The following SLC4A4 variants were observed in gnomAD, a reference collection of about 807,000 sequenced individuals.
The protein encoded by SLC4A4 is solute carrier family 4 member 4.
A neutral mutation model predicts 111.5 loss-of-function variants in SLC4A4; 27 were observed. The observed-to-expected ratio is 0.24, with a 90% CI of 0.18 to 0.33. SLC4A4 has a LOEUF of 0.33. SLC4A4 is among the 10% of genes least tolerant of loss of function. The pLI is 1.00. For missense variants in SLC4A4, 909 were observed against 1,315.5 expected, an observed-to-expected ratio of 0.69 and a Z score of 4.78; for synonymous variants, 443 against 463.4, an observed-to-expected ratio of 0.96 and a Z score of 0.57.
chr4:71,536,243 CA>C (rs1337024547), intron 18 of SLC4A4, among the ~76,000 whole-genome samples: 1 of 150,960 alleles, frequency 6.6e-6, no homozygotes, highest in Non-Finnish European at 1.5e-5. Flanking sequence ...AAAATAGTCA[CA>C]GGGGCAGCCT....
intron 23 of SLC4A4, among the ~76,000 whole-genome samples, chr4:71,560,595 A>G (rs1736889923): frequency 6.6e-6 from 1 of 151,762 alleles, no homozygotes; most frequent in Non-Finnish European, 1.5e-5. Context: ...TCTATTAATA[A>G]CCCAGGGCTT....
At chr4:71,519,851 T>C (rs2149190555) in intron 16 of SLC4A4, among the ~76,000 whole-genome samples, 1 of 152,270 alleles carries the variant, frequency 6.6e-6, no homozygotes, top group Non-Finnish European at 1.5e-5. Context: ...GGTTTCACCA[T>C]GTTGGCTAGG....
intron 6 of SLC4A4, among the ~76,000 whole-genome samples, chr4:71,358,098 A>G (rs564059657): frequency 6.6e-6 from 1 of 152,092 alleles, no homozygotes; most frequent in Non-Finnish European, 1.5e-5. Context: ...GTGGATCACG[A>G]GGTCAGGAGA....
At chr4:71,506,530 C>T (rs1272000612) in intron 16 of SLC4A4, among the ~76,000 whole-genome samples, 1 of 152,112 alleles carries the variant, frequency 6.6e-6, no homozygotes, top group East Asian at 1.9e-4. Flanking sequence ...GAGTTTTGCA[C>T]ATTGATTTTT....
intron 7 of SLC4A4, among the ~76,000 whole-genome samples, chr4:71,412,012 G>A (rs1721403402): frequency 6.6e-6 from 1 of 152,180 alleles, no homozygotes; most frequent in Non-Finnish European, 1.5e-5. Context: ...CTAAACAACT[G>A]TATTAGCAAT....
At chr4:71,238,863 A>G (rs929169179) in intron 2 of SLC4A4, among the ~76,000 whole-genome samples, 3 of 152,172 alleles carry the variant, frequency 2.0e-5, no homozygotes, top group Admixed American at 6.5e-5. Flanking sequence ...AGGTGATAGT[A>G]TAAAACGGTT....
intron 3 of SLC4A4, among the ~76,000 whole-genome samples, chr4:71,273,873 G>T (rs1330990628): frequency 6.6e-6 from 1 of 152,062 alleles, no homozygotes; most frequent in Non-Finnish European, 1.5e-5. Context: ...GAAAAATGGT[G>T]GTAATACTGT....
chr4:71,334,779 G>A (rs1378399236), intron 3 of SLC4A4, among the ~76,000 whole-genome samples: 1 of 152,202 alleles, frequency 6.6e-6, no homozygotes, highest in African/African-American at 2.4e-5. Context: ...AGTCACCACT[G>A]AGTTGCTGTC....
At chr4:71,121,143 G>A (rs1441098284) in intron 2 of SLC4A4, among the ~76,000 whole-genome samples, 2 of 152,180 alleles carry the variant, frequency 1.3e-5, no homozygotes, top group Non-Finnish European at 2.9e-5. Context: ...AATTCTTGCA[G>A]GGCCTCAGCT....
chr4:71,138,880 TA>T (rs1315886071), intron 2 of SLC4A4, among the ~76,000 whole-genome samples: 1 of 151,390 alleles, frequency 6.6e-6, no homozygotes, highest in Admixed American at 6.6e-5. Flanking sequence ...ACTGAAAATA[TA>T]AAAAATTAGC....
intron 2 of SLC4A4, among the ~76,000 whole-genome samples, chr4:71,169,710 A>C (rs145343306): frequency 8.1e-4 from 124 of 152,280 alleles, no homozygotes; most frequent in African/African-American, 2.9e-3. Context: ...AATATATTGT[A>C]TCACAGGTCT....
At chr4:71,512,591 C>G (rs959728030) in intron 16 of SLC4A4, among the ~76,000 whole-genome samples, 3 of 152,110 alleles carry the variant, frequency 2.0e-5, no homozygotes, top group Admixed American at 2.0e-4. Flanking sequence ...CATAGGTTGT[C>G]TCTTCATTGT....
chr4:71,245,467 G>T (rs1232433271), intron 2 of SLC4A4, among the ~76,000 whole-genome samples: 2 of 152,110 alleles, frequency 1.3e-5, no homozygotes, highest in African/African-American at 2.4e-5. Context: ...GGAGACAAAT[G>T]TGTTGAATTG....
At chr4:71,236,714 C>A in intron 2 of SLC4A4, 65 bp downstream of exon 2, 1 of 1,272,794 alleles carries the variant, frequency 7.9e-7, no homozygotes, top group Non-Finnish European at 1.1e-6. Flanking sequence ...TAATAACATT[C>A]ATGCATTTCA....
At chr4:71,097,380 A>G (rs1742586654) in intron 2 of SLC4A4, among the ~76,000 whole-genome samples, 1 of 152,224 alleles carries the variant, frequency 6.6e-6, no homozygotes, top group African/African-American at 2.4e-5. Flanking sequence ...GCTGCATAGT[A>G]TTCCATGGTG....
chr4:71,151,321 C>T (rs533394561), intron 2 of SLC4A4, among the ~76,000 whole-genome samples: 8 of 152,210 alleles, frequency 5.3e-5, no homozygotes, highest in South Asian at 4.2e-4. Flanking sequence ...ACTATATCAA[C>T]GGTAGGTTTT....
rs374874915 is a variant in SLC4A4 at position 71,504,367 on chromosome 4, T to C, written c.2166+6675T>C. Among the ~76,000 whole-genome samples the C allele has an allele frequency of 2.2e-4, 34 of 152,228 alleles. No individual in the cohort carries two copies. The East Asian group carries it at 2.9e-3, about 13-fold the overall frequency. ...GGTTAATTCAAAAGATGACTTCAAG[T>C]TCAGGAACTCTTTCATCTTCTTGAT... On this transcript the variant is annotated intron_variant, in intron 16 of 25. Coordinates refer to ENST00000264485, the MANE Select transcript of SLC4A4 (RefSeq NM_001098484.3).
chr4:71,353,838 C>G (rs1730058567), intron 5 of SLC4A4, among the ~76,000 whole-genome samples: 1 of 152,246 alleles, frequency 6.6e-6, no homozygotes, highest in Non-Finnish European at 1.5e-5. Context: ...CCTCACCAGC[C>G]TGCCTCTGAG....
intron 18 of SLC4A4, among the ~76,000 whole-genome samples, chr4:71,544,736 A>G (rs1485787538): frequency 2.0e-5 from 3 of 152,060 alleles, no homozygotes; most frequent in Non-Finnish European, 4.4e-5. Context: ...GTGGTTTCCC[A>G]TTATACTCAT....
Sources: gnomAD v4.1 joint callset for allele counts (sites outside exome capture counted in the v4.1 genomes callset) on GRCh38, gnomAD v4.1.1 for gene constraint, MANE v1.5 for transcripts, NCBI Gene and HGNC (gene_info 2026-07-23, HGNC 2026-07-21) for gene names.